NIBAN1: variants seen among roughly 807,000 people sequenced by gnomAD.
NIBAN1 encodes the protein niban apoptosis regulator 1, also known as protein Niban 1.
A neutral mutation model predicts 75.1 loss-of-function variants in NIBAN1; 81 were observed. That is an observed-to-expected ratio of 1.08 (90% confidence interval 0.90 to 1.30). NIBAN1 has a LOEUF of 1.30. Among genes scored for constraint, NIBAN1 ranks in the 50% most tolerant of loss-of-function variants. The pLI is 0.00. For missense variants in NIBAN1, 1,133 were observed against 1,128.1 expected (o/e 1.00, Z -0.06); for synonymous variants, 436 against 424.8 (o/e 1.03, Z -0.32).
intron 6 of NIBAN1, among the ~76,000 whole-genome samples, chr1:184,829,213 T>G (rs1344316080): frequency 2.0e-5 from 3 of 152,186 alleles, no homozygotes; most frequent in African/African-American, 4.8e-5. Flanking sequence ...CCTGCAAAAC[T>G]AGGAGCTTAC....
At chr1:184,914,064 T>C (rs927854118) in intron 1 of NIBAN1, among the ~76,000 whole-genome samples, 3 of 152,222 alleles carry the variant, frequency 2.0e-5, no homozygotes, top group African/African-American at 7.2e-5. Flanking sequence ...GGAGAGCTTG[T>C]TCAATCTCAG....
intron 5 of NIBAN1, among the ~76,000 whole-genome samples, chr1:184,878,752 GACA>G (rs1165672215): frequency 6.6e-6 from 1 of 152,182 alleles, no homozygotes. Flanking sequence ...ACACTGAGAA[GACA>G]ACATGATATC....
At chr1:184,827,762 G>A (rs1654882420) in intron 6 of NIBAN1, among the ~76,000 whole-genome samples, 2 of 151,828 alleles carry the variant, frequency 1.3e-5, no homozygotes, top group East Asian at 3.9e-4. Context: ...TCAGGAAGGT[G>A]TGGGGTCCAG....
chr1:184,949,724 G>A (rs1053541234), intron 1 of NIBAN1, among the ~76,000 whole-genome samples: 1 of 152,170 alleles, frequency 6.6e-6, no homozygotes, highest in Non-Finnish European at 1.5e-5. Context: ...TTAGTCCTGT[G>A]AAAAAGTTTT....
Position 184,818,724 on chromosome 1 carries a change from T to C in NIBAN1, c.1087A>G (p.Ser363Gly). The C allele has an allele frequency of 6.2e-7, 1 of 1,613,708 alleles. No individual in the cohort carries two copies. The highest frequency in any genetic ancestry group is 8.5e-7 in the Non-Finnish European group (1 of 1,179,628). The change falls in exon 9 of 14, where the codon AGT becomes GGT. Residue 363 changes from serine (S) to glycine (G), a missense_variant. Coordinates refer to ENST00000367511, the MANE Select transcript of NIBAN1 (RefSeq NM_052966.4). ...ELMGPVSSGF[S>G]EVRVLFEKEV... The stretch of plus-strand genomic sequence containing the variant: ...TTCTCAAAGAGTACACGTACTTCAC[T>C]GAATCCCGAGCTCACTGGTCCCATG...
chr1:184,830,530 T>C (rs1182075658), intron 6 of NIBAN1, among the ~76,000 whole-genome samples: 1 of 152,156 alleles, frequency 6.6e-6, no homozygotes, highest in Non-Finnish European at 1.5e-5. Context: ...AAGATTCTGA[T>C]GGTAAACACA....
chr1:184,810,746 C>T (rs1654352805), intron 9 of NIBAN1, among the ~76,000 whole-genome samples: 1 of 152,176 alleles, frequency 6.6e-6, no homozygotes, highest in Non-Finnish European at 1.5e-5. Flanking sequence ...GTGAGGCACC[C>T]CCGGAGAATT....
chr1:184,875,548 C>T (rs1193812303), intron 5 of NIBAN1, among the ~76,000 whole-genome samples: 3 of 152,228 alleles, frequency 2.0e-5, no homozygotes, highest in Non-Finnish European at 2.9e-5. Flanking sequence ...AAGAGAAAGT[C>T]AGGCAGAAAT....
rs112884810 is a variant in NIBAN1 at position 184,875,510 on chromosome 1, C to T, written c.601+9123G>A. 6.1e-3 allele frequency among the ~76,000 whole-genome samples: 933 copies of T among 152,256 alleles called. 2 individuals are homozygous for T. Among genetic ancestry groups the T allele is most frequent in the Middle Eastern group, 0.024 (7 of 294 alleles). ...GGGACGCTCATGTATTCTCACGTGA[C>T]GACTAGGTTCTCCCAAATAAGTGAT... On this transcript the variant is annotated intron_variant, in intron 5 of 13. Transcript: ENST00000367511.
intron 1 of NIBAN1, among the ~76,000 whole-genome samples, chr1:184,899,807 C>CTT (rs66802117): frequency 1.9e-3 from 195 of 100,328 alleles, no homozygotes; most frequent in East Asian, 3.8e-3. Flanking sequence ...ACATCACTCT[C>CTT]TTTTTTTTTT....
intron 2 of NIBAN1, among the ~76,000 whole-genome samples, chr1:184,896,012 G>A (rs1294145108): frequency 6.6e-6 from 1 of 152,134 alleles, no homozygotes; most frequent in Admixed American, 6.5e-5. Context: ...AAATAGTGCT[G>A]TGATAAACAC....
chr1:184,812,755 C>T (rs1000146962), intron 9 of NIBAN1, among the ~76,000 whole-genome samples: 4 of 152,212 alleles, frequency 2.6e-5, no homozygotes, highest in African/African-American at 9.7e-5. Flanking sequence ...GTAGAGATTG[C>T]TCCATGCTGT....
intron 5 of NIBAN1, among the ~76,000 whole-genome samples, chr1:184,862,963 G>T (rs1655855439): frequency 6.6e-6 from 1 of 152,000 alleles, no homozygotes; most frequent in Non-Finnish European, 1.5e-5. Context: ...CCAGTATCTG[G>T]TATTTATGTT....
chr1:184,837,346 G>A (rs1285519949), intron 5 of NIBAN1, among the ~76,000 whole-genome samples: 1 of 152,172 alleles, frequency 6.6e-6, no homozygotes. Context: ...TTATGAGAAG[G>A]CCTAGGGAGA....
At chr1:184,942,469 G>A (rs909708040) in intron 1 of NIBAN1, among the ~76,000 whole-genome samples, 8 of 152,140 alleles carry the variant, frequency 5.3e-5, no homozygotes, top group African/African-American at 9.7e-5. Flanking sequence ...CGAAGCTGGC[G>A]GATCACGAGG....
chr1:184,946,418 C>A (rs1658227520), intron 1 of NIBAN1, among the ~76,000 whole-genome samples: 1 of 152,116 alleles, frequency 6.6e-6, no homozygotes, highest in Non-Finnish European at 1.5e-5. Flanking sequence ...CTATTGTTAA[C>A]CTGTGGGAGT....
intron 1 of NIBAN1, among the ~76,000 whole-genome samples, chr1:184,906,833 G>A (rs1291452722): frequency 1.3e-5 from 2 of 152,120 alleles, no homozygotes; most frequent in Non-Finnish European, 2.9e-5. Context: ...GAAGTCTGAA[G>A]AGCCTGACAA....
chr1:184,824,244 T>C (rs1654784463), intron 6 of NIBAN1, among the ~76,000 whole-genome samples: 1 of 152,062 alleles, frequency 6.6e-6, no homozygotes, highest in Non-Finnish European at 1.5e-5. Context: ...CCAAGCCCCA[T>C]TGTCATCCTC....
chr1:184,926,133 T>C (rs1399525223), intron 1 of NIBAN1, among the ~76,000 whole-genome samples: 3 of 152,220 alleles, frequency 2.0e-5, no homozygotes, highest in Non-Finnish European at 4.4e-5. Flanking sequence ...TTTTTTTTCC[T>C]TCGGTACTTG....
Sources: gnomAD v4.1 joint callset for allele counts (sites outside exome capture counted in the v4.1 genomes callset) on GRCh38, gnomAD v4.1.1 for gene constraint, MANE v1.5 for transcripts, NCBI Gene and HGNC (gene_info 2026-07-23, HGNC 2026-07-21) for gene names.